THSD7A: variants seen among roughly 807,000 people sequenced by gnomAD.
THSD7A encodes the protein thrombospondin type 1 domain containing 7A.
In THSD7A, 96 loss-of-function variants were observed where a neutral mutation model predicts 231.3. That is an observed-to-expected ratio of 0.41 (90% CI 0.35 to 0.49). The LOEUF is 0.49. THSD7A is among the 20% of genes least tolerant of loss of function. The probability of loss-of-function intolerance (pLI) is 0.05; values close to 1 mark genes in which losing one functional copy is unlikely to be tolerated. For missense variants in THSD7A, 2,290 were observed against 2,070.2 expected, an observed-to-expected ratio of 1.11 and a Z score of -2.06; for synonymous variants, 940 against 743.3, an observed-to-expected ratio of 1.26 and a Z score of -4.30.
chr7:11,619,745 T>G (rs927079181), intron 2 of THSD7A, among the ~76,000 whole-genome samples: 1 of 152,128 alleles, frequency 6.6e-6, no homozygotes, highest in Non-Finnish European at 1.5e-5. Flanking sequence ...TTTAAAATGA[T>G]AGACAATATG....
chr7:11,782,323 A>C (rs1432766244), intron 1 of THSD7A, among the ~76,000 whole-genome samples: 2 of 152,148 alleles, frequency 1.3e-5, no homozygotes, highest in Non-Finnish European at 2.9e-5. Flanking sequence ...TAATGTTAGG[A>C]ATCAATGGGA....
chr7:11,729,034 G>T (rs1781636813), intron 1 of THSD7A, among the ~76,000 whole-genome samples: 1 of 151,548 alleles, frequency 6.6e-6, no homozygotes, highest in Non-Finnish European at 1.5e-5. Flanking sequence ...CATTTCTTCT[G>T]CCCTGGTCAA....
At chr7:11,677,103 G>A (rs1177067215) in intron 1 of THSD7A, among the ~76,000 whole-genome samples, 1 of 151,696 alleles carries the variant, frequency 6.6e-6, no homozygotes, top group Non-Finnish European at 1.5e-5. Context: ...AGAGAGTGGA[G>A]GCTAACATTC....
intron 1 of THSD7A, among the ~76,000 whole-genome samples, chr7:11,676,745 G>A (rs1047831912): frequency 6.6e-6 from 1 of 152,112 alleles, no homozygotes; most frequent in African/African-American, 2.4e-5. Context: ...AACAAACAAA[G>A]CCTCCAAGAA....
At chr7:11,798,811 C>A (rs189459631) in intron 1 of THSD7A, among the ~76,000 whole-genome samples, 28 of 152,076 alleles carry the variant, frequency 1.8e-4, no homozygotes, top group Admixed American at 1.8e-3. Flanking sequence ...GAAAACAGTA[C>A]TCTATAAAGG....
At chr7:11,624,513 G>A (rs1781418531) in intron 2 of THSD7A, among the ~76,000 whole-genome samples, 1 of 151,974 alleles carries the variant, frequency 6.6e-6, no homozygotes, top group African/African-American at 2.4e-5. Context: ...GGTTTGACTT[G>A]GAATGCTCAG....
intron 1 of THSD7A, among the ~76,000 whole-genome samples, chr7:11,798,243 G>A (rs1784181738): frequency 2.6e-5 from 4 of 152,214 alleles, no homozygotes; most frequent in South Asian, 2.1e-4. Flanking sequence ...GCCGAGGTGG[G>A]AGGATCACTT....
intron 1 of THSD7A, among the ~76,000 whole-genome samples, chr7:11,760,940 A>G (rs1402695532): frequency 6.7e-6 from 1 of 148,842 alleles, no homozygotes; most frequent in Non-Finnish European, 1.5e-5. Context: ...ATTACTGGCT[A>G]TAATATTTAT....
chr7:11,470,077 T>G, intron 8 of THSD7A, 83 bp from the exon 9 acceptor site: 1 of 995,358 alleles, frequency 1.0e-6, no homozygotes, highest in Non-Finnish European at 1.5e-6. Flanking sequence ...TTTTCACTGG[T>G]AAAATTGCAA....
intron 23 of THSD7A, among the ~76,000 whole-genome samples, chr7:11,397,588 G>A (rs1399015258): frequency 6.6e-6 from 1 of 152,188 alleles, no homozygotes; most frequent in Non-Finnish European, 1.5e-5. Context: ...CTTCTGCACA[G>A]CAAAAGAAAC....
At chr7:11,753,269 G>T (rs971061772) in intron 1 of THSD7A, among the ~76,000 whole-genome samples, 2 of 151,960 alleles carry the variant, frequency 1.3e-5, no homozygotes, top group Non-Finnish European at 2.9e-5. Flanking sequence ...AAATTAATTT[G>T]CATTTCTAAA....
At position 11,758,010 on chromosome 7, in the gene THSD7A, C is replaced by CATATATATAT. The variant is rs3037680; in HGVS notation, c.190+73737_190+73746dup. ...CTAACATTATATATACATATGCATTCATATATATATATATATATATATATA... is the reference window on the plus strand; with the variant it reads ...CTAACATTATATATACATATGCATTCATATATATATATATATATATATATATATATATATA... On this transcript the variant is annotated intron_variant, in intron 1 of 27. Coordinates refer to ENST00000423059, the MANE Select transcript of THSD7A (RefSeq NM_015204.3). Among the ~76,000 whole-genome samples the CATATATATAT allele has an allele frequency of 5.2e-3, 736 of 142,762 alleles. 7 individuals are homozygous for CATATATATAT. Among genetic ancestry groups the CATATATATAT allele is most frequent in the East Asian group, 0.015 (70 of 4,774 alleles). The allele number at this position is 142,762 out of a possible 152,430, so 93.7% of individuals were successfully genotyped here.
intron 1 of THSD7A, among the ~76,000 whole-genome samples, chr7:11,747,922 T>C (rs1175843294): frequency 1.3e-5 from 2 of 151,806 alleles, no homozygotes; most frequent in Admixed American, 6.6e-5. Context: ...TTCAGGGAAA[T>C]GGAAACAATT....
chr7:11,619,230 A>G (rs1584093437), intron 2 of THSD7A, among the ~76,000 whole-genome samples: 1 of 152,072 alleles, frequency 6.6e-6, no homozygotes, highest in South Asian at 2.1e-4. Flanking sequence ...GTGATTTTGT[A>G]TATCAATGAC....
chr7:11,487,386 C>A (rs1786702518), intron 6 of THSD7A, among the ~76,000 whole-genome samples: 1 of 151,888 alleles, frequency 6.6e-6, no homozygotes, highest in Non-Finnish European at 1.5e-5. Flanking sequence ...CGTGTTAGAG[C>A]CTAAATAAAA....
chr7:11,514,210 C>T (rs1234199367), intron 6 of THSD7A, among the ~76,000 whole-genome samples: 1 of 151,934 alleles, frequency 6.6e-6, no homozygotes. Context: ...TATTTTTCTT[C>T]ATAACACTTA....
intron 4 of THSD7A, among the ~76,000 whole-genome samples, chr7:11,550,147 T>C (rs1364255390): frequency 6.6e-6 from 1 of 151,928 alleles, no homozygotes; most frequent in African/African-American, 2.4e-5. Context: ...ACTATCAGGA[T>C]ACAAAATCAA....
intron 4 of THSD7A, among the ~76,000 whole-genome samples, chr7:11,588,799 G>A (rs547478483): frequency 1.1e-4 from 16 of 152,304 alleles, no homozygotes; most frequent in South Asian, 4.1e-4. Flanking sequence ...ACTTAAGAGT[G>A]TTAAAATGCA....
intron 1 of THSD7A, among the ~76,000 whole-genome samples, chr7:11,790,809 G>A (rs1783929980): frequency 6.6e-6 from 1 of 151,876 alleles, no homozygotes; most frequent in Admixed American, 6.6e-5. Context: ...AGACAATTCT[G>A]ATAAGATAGT....
Sources: allele counts gnomAD v4.1 joint callset (sites outside exome capture counted in the v4.1 genomes callset), GRCh38; gene constraint gnomAD v4.1.1; transcripts MANE v1.5; gene names NCBI Gene and HGNC (gene_info 2026-07-23, HGNC 2026-07-21).